ACSF2: variants seen among roughly 807,000 people sequenced by gnomAD.
The protein encoded by ACSF2 is medium-chain acyl-CoA ligase ACSF2, mitochondrial.
ACSF2 carries 52 observed loss-of-function variants against 79.3 expected under a neutral mutation model. The observed-to-expected ratio is 0.66, with a 90% confidence interval of 0.53 to 0.83. The LOEUF (loss-of-function observed/expected upper bound fraction) is 0.83, where lower values mean the gene tolerates loss of function less well. ACSF2 is among the 40% of genes least tolerant of loss of function. The pLI, the probability that ACSF2 is intolerant of heterozygous loss-of-function variation, is 0.00. For synonymous variants in ACSF2, 283 were observed against 312.6 expected (o/e 0.91, Z 1.00); for missense variants, 661 against 803.3 (o/e 0.82, Z 2.14).
chr17:50,449,998 G>A (rs747536684), intron 1 of ACSF2, among the ~76,000 whole-genome samples: 7 of 152,044 alleles, frequency 4.6e-5, no homozygotes, highest in African/African-American at 7.2e-5. Flanking sequence ...GAGAGGGTCC[G>A]TTGCTGACTA....
At chr17:50,468,441 G>A in intron 10 of ACSF2, 1 of 1,614,270 alleles carries the variant, frequency 6.2e-7, no homozygotes, top group Non-Finnish European at 8.5e-7. Context: ...AGGTAGGTCA[G>A]CTCGGTCAGG....
chr17:50,443,684 T>C (rs544717478), intron 1 of ACSF2, among the ~76,000 whole-genome samples: 65 of 152,334 alleles, frequency 4.3e-4, no homozygotes, highest in Non-Finnish European at 6.2e-4. Context: ...TGTAAGTTTC[T>C]TAGGCTTCCT....
chr17:50,426,341 T>C lies in ACSF2; in HGVS notation c.80T>C (p.Leu27Pro). 7.0e-7 allele frequency: 1 copy of C among 1,421,896 alleles called. No homozygotes were observed. The highest frequency in any genetic ancestry group is 9.2e-7 in the Non-Finnish European group (1 of 1,081,408). The allele number at this position is 1,421,896 out of a possible 1,614,324, so 88.1% of individuals were successfully genotyped here. The change falls in exon 1 of 16, where the codon CTC (leucine) becomes CCC (proline). Residue 27 changes from leucine to proline, a missense_variant. Physicochemically the swap from Leu to Pro is moderately conservative, Grantham distance 98. Transcript: ENST00000300441. ...GGGGTGCTGGGGGCCCGGGCCGCCCTCTCTCGGAGTTGGCAGGAAGCCAGG... is the reference window on the plus strand; with the variant it reads ...GGGGTGCTGGGGGCCCGGGCCGCCCCCTCTCGGAGTTGGCAGGAAGCCAGG... ...SSGVLGARAA[L>P]SRSWQEARLQ...
chr17:50,448,116 C>G (rs1261355769), intron 1 of ACSF2, among the ~76,000 whole-genome samples: 1 of 151,306 alleles, frequency 6.6e-6, no homozygotes, highest in Non-Finnish European at 1.5e-5. Context: ...ATCAAGTGCA[C>G]TTACACAAAT....
intron 2 of ACSF2, 120 bp from the exon 3 acceptor site, chr17:50,461,122 G>C: frequency 6.8e-7 from 1 of 1,473,406 alleles, no homozygotes; most frequent in Non-Finnish European, 9.2e-7. Context: ...CTGGGAATCT[G>C]CCTGTCCCTT....
intron 1 of ACSF2, among the ~76,000 whole-genome samples, chr17:50,447,913 C>T (rs2031403887): frequency 1.3e-5 from 2 of 152,208 alleles, no homozygotes; most frequent in Non-Finnish European, 2.9e-5. Context: ...AGCTCAAAGG[C>T]TGATAGGGTG....
intron 10 of ACSF2, among the ~76,000 whole-genome samples, chr17:50,466,380 C>A (rs953128738): frequency 6.6e-6 from 1 of 152,188 alleles, no homozygotes; most frequent in African/African-American, 2.4e-5. Context: ...TGAGCCACCA[C>A]GCCCAGCCAG....
In ACSF2 at chr17:50,463,344, G is replaced by A; in HGVS notation, c.889-51G>A. 1 of 1,610,846 alleles carries A rather than the reference G, an allele frequency of 6.2e-7. No homozygotes were observed. Among genetic ancestry groups the A allele is most frequent in the Non-Finnish European group, 8.5e-7 (1 of 1,178,134 alleles). ...TGGGCTCCCCTTGCCAGCTAGAGAG[G>A]AACTGGCGTCTGGCTCCAAGACAGA... On this transcript the variant is annotated intron_variant, in intron 7 of 15. Transcript: ENST00000300441. The surrounding 1 kb of genome is among the most constrained non-coding windows in gnomAD (Gnocchi z 4.6).
At chr17:50,462,653 C>T (rs377536528) in intron 6 of ACSF2, 68 bp downstream of exon 6, 31 of 1,553,884 alleles carry the variant, frequency 2.0e-5, no homozygotes, top group Non-Finnish European at 2.5e-5. Flanking sequence ...GACACTTCCG[C>T]GGGGATGGGG....
chr17:50,449,473 C>T (rs192429089), intron 1 of ACSF2, among the ~76,000 whole-genome samples: 1,516 of 150,414 alleles, frequency 0.01, 18 homozygotes, highest in African/African-American at 0.031. Flanking sequence ...GGCGCGATCT[C>T]GGCTCACTGC....
intron 1 of ACSF2, among the ~76,000 whole-genome samples, chr17:50,451,802 A>G (rs539628574): frequency 6.6e-6 from 1 of 152,144 alleles, no homozygotes; most frequent in East Asian, 1.9e-4. Flanking sequence ...GTGGTACCTC[A>G]TTGTGGTTTT....
intron 1 of ACSF2, among the ~76,000 whole-genome samples, chr17:50,437,127 T>G (rs963093331): frequency 2.6e-5 from 4 of 152,154 alleles, no homozygotes; most frequent in African/African-American, 4.8e-5. Flanking sequence ...CCATGGCATG[T>G]GGCTTGGCGA....
rs1381969337 is a variant in ACSF2, at chr17:50,462,265, G to A, written c.589G>A (p.Val197Met). 6.2e-7 allele frequency: 1 copy of A among 1,614,096 alleles called. No homozygotes were observed. The change falls in exon 5 of 16, where the codon GTG (valine) becomes ATG (methionine). Residue 197 changes from valine (V) to methionine (M), a missense_variant. Transcript: ENST00000300441. ...YNVLKQICPE[V>M]ENAQPGALKS... ...CGTCCTGAAGCAGATCTGTCCAGAA[G>A]TGGAGAATGCCCAGCCAGGGGCCTT...
At position 50,462,471 on chromosome 17, in the gene ACSF2, C is replaced by T; in HGVS notation, c.678C>T (p.Thr226=). 6.2e-7 allele frequency: 1 copy of T among 1,613,808 alleles called. No homozygotes were observed. Among genetic ancestry groups the T allele is most frequent in the Non-Finnish European group, 8.5e-7 (1 of 1,179,946 alleles). ...VISVDAPLPG[T]LLLDEVVAAG... ...CGGTGGATGCCCCTTTGCCGGGGAC[C>T]CTGCTCCTGGATGAAGTGGTGGCGG... The change falls in exon 6 of 16, where the codon ACC becomes ACT. Residue 226 remains threonine (T), a synonymous_variant. Transcript: ENST00000300441.
chr17:50,460,941 C>T (rs1473394710), intron 2 of ACSF2, 69 bp downstream of exon 2: 50 of 1,507,152 alleles, frequency 3.3e-5, no homozygotes, highest in Non-Finnish European at 4.3e-5. Flanking sequence ...CTGGGCAGAA[C>T]CAGGAGCGTG....
chr17:50,465,668 T>C (rs1471173078), intron 10 of ACSF2: 1 of 1,609,764 alleles, frequency 6.2e-7, no homozygotes, highest in Non-Finnish European at 8.5e-7. Context: ...CTCTATCACA[T>C]GAGGGTGGGC....
chr17:50,436,552 G>C (rs2030440578), intron 1 of ACSF2, among the ~76,000 whole-genome samples: 1 of 152,130 alleles, frequency 6.6e-6, no homozygotes, highest in Non-Finnish European at 1.5e-5. Flanking sequence ...TCCTGCCTCA[G>C]CCTCCCGAGT....
At chr17:50,460,593 C>T in intron 1 of ACSF2, 84 bp from the exon 2 acceptor site, 1 of 1,296,192 alleles carries the variant, frequency 7.7e-7, no homozygotes, top group African/African-American at 1.5e-5. Flanking sequence ...GCAGCCTACC[C>T]CCTGGCTTGG....
At position 50,473,726 on chromosome 17, in the gene ACSF2, A is replaced by G. The variant is rs768898890; in HGVS notation, c.1537A>G (p.Ile513Val). Residue 513 changes from isoleucine to valine, a missense_variant, in exon 13 of 16, where the codon ATC (isoleucine) becomes GTC (valine). Physicochemically the swap from Ile to Val is conservative, Grantham distance 29. Transcript: ENST00000300441. ...CKIVGRSKDM[I>V]IRGGENIYPA... Reference sequence around the variant, plus strand: ...GATCGTGGGCCGCTCTAAGGATATGATCATCCGGGGTGGTGAGAACATCTA... The same window carrying G: ...GATCGTGGGCCGCTCTAAGGATATGGTCATCCGGGGTGGTGAGAACATCTA... 3 of 1,614,216 alleles carry G rather than the reference A, an allele frequency of 1.9e-6. No homozygotes were observed. Among genetic ancestry groups the G allele is most frequent in the South Asian group, 1.1e-5 (1 of 91,076 alleles).
Sources: gnomAD v4.1 joint callset for allele counts (sites outside exome capture counted in the v4.1 genomes callset) on GRCh38, gnomAD v4.1.1 for gene constraint, Gnocchi (gnomAD v3.1) non-coding constraint, MANE v1.5 for transcripts, NCBI Gene and HGNC (gene_info 2026-07-23, HGNC 2026-07-21) for gene names.